The following TMEM232 variants were observed in gnomAD, a reference collection of about 807,000 sequenced individuals.
The protein encoded by TMEM232 is transmembrane protein 232.
In TMEM232, 80 loss-of-function variants were observed where a neutral mutation model predicts 78.8. That is an observed-to-expected ratio of 1.01 (90% CI 0.85 to 1.22). The LOEUF (loss-of-function observed/expected upper bound fraction) is 1.22. TMEM232 is among the 50% of genes most tolerant of loss of function. The pLI is 0.00. For missense variants in TMEM232, 881 were observed against 742.2 expected, an observed-to-expected ratio of 1.19 and a Z score of -2.17; for synonymous variants, 297 against 254.3, an observed-to-expected ratio of 1.17 and a Z score of -1.60.
At chr5:110,526,751 G>T (rs1210113892) in intron 12 of TMEM232, among the ~76,000 whole-genome samples, 1 of 151,886 alleles carries the variant, frequency 6.6e-6, no homozygotes, top group African/African-American at 2.4e-5. Context: ...TATGTAAATG[G>T]TTATTCTTTG....
At chr5:110,460,228 G>A (rs1438139029) in intron 12 of TMEM232, among the ~76,000 whole-genome samples, 6 of 151,912 alleles carry the variant, frequency 3.9e-5, no homozygotes, top group African/African-American at 7.3e-5. Flanking sequence ...AATACACTGG[G>A]GTGTTAAGGG....
In TMEM232 at chr5:110,510,927, A is replaced by G. The variant is rs189423571; in HGVS notation, c.1703+17661T>C. ...TAGAATCAGAAATACCATTTGACCCAGCAATCTCATTACTGGGTATATACG... is the reference window on the plus strand; with the variant it reads ...TAGAATCAGAAATACCATTTGACCCGGCAATCTCATTACTGGGTATATACG... On this transcript the variant is annotated intron_variant, in intron 12 of 13. Transcript: ENST00000455884. 3.3e-5 allele frequency among the ~76,000 whole-genome samples: 5 copies of G among 152,324 alleles called. No homozygotes were observed. In the East Asian group the frequency reaches 9.6e-4, roughly 29 times the overall value.
intron 10 of TMEM232, among the ~76,000 whole-genome samples, chr5:110,577,430 A>C (rs1777691229): frequency 6.6e-6 from 1 of 152,080 alleles, no homozygotes; most frequent in African/African-American, 2.4e-5. Context: ...TGGTGGGAGT[A>C]AATTAGTTCA....
At chr5:110,437,766 T>G (rs1456199680) in intron 12 of TMEM232, among the ~76,000 whole-genome samples, 1 of 152,100 alleles carries the variant, frequency 6.6e-6, no homozygotes, top group Admixed American at 6.6e-5. Flanking sequence ...AAGGCACTTT[T>G]GTATAGGTAA....
At position 110,638,246 on chromosome 5, in the gene TMEM232, A is replaced by T. The variant is rs1786164881; in HGVS notation, c.453T>A (p.Asp151Glu). ...AESVLYRLCC[D>E]ASLKTYLYSV... ...AATATAAATATGTTTTGAGGGATGCATCACAACACAGTCTGTATAAAACCG... is the reference window on the plus strand; with the variant it reads ...AATATAAATATGTTTTGAGGGATGCTTCACAACACAGTCTGTATAAAACCG... Residue 151 changes from aspartate (D) to glutamate (E), a missense_variant, in exon 5 of 14, where the codon GAT (aspartate) becomes GAA (glutamate). By Grantham distance (45) the Asp-to-Glu change is conservative (BLOSUM62 2). Transcript: ENST00000455884. 6.5e-7 allele frequency: 1 copy of T among 1,550,110 alleles called. No individual in the cohort carries two copies. Among genetic ancestry groups the T allele is most frequent in the Non-Finnish European group, 8.7e-7 (1 of 1,146,274 alleles).
At chr5:110,539,247 G>A (rs1772795580) in intron 11 of TMEM232, among the ~76,000 whole-genome samples, 1 of 152,126 alleles carries the variant, frequency 6.6e-6, no homozygotes. Context: ...TAAGCTGGAA[G>A]CAAGAAAAGG....
At chr5:110,710,046 G>T (rs565994893) in intron 1 of TMEM232, among the ~76,000 whole-genome samples, 3 of 151,986 alleles carry the variant, frequency 2.0e-5, no homozygotes, top group Admixed American at 6.5e-5. Flanking sequence ...AAAAAAGGCA[G>T]ATGACTCAAA....
intron 12 of TMEM232, among the ~76,000 whole-genome samples, chr5:110,492,810 A>G (rs1327815163): frequency 6.6e-6 from 1 of 151,988 alleles, no homozygotes; most frequent in African/African-American, 2.4e-5. Context: ...AGACCAAAAT[A>G]TATTATCTTT....
At chr5:110,550,262 A>G (rs2149610098) in intron 11 of TMEM232, among the ~76,000 whole-genome samples, 1 of 152,284 alleles carries the variant, frequency 6.6e-6, no homozygotes, top group South Asian at 2.1e-4. Flanking sequence ...TTCATAATAA[A>G]AGTTCTTGTT....
At chr5:110,542,622 C>T (rs1248249756) in intron 11 of TMEM232, among the ~76,000 whole-genome samples, 2 of 151,990 alleles carry the variant, frequency 1.3e-5, no homozygotes, top group East Asian at 3.9e-4. Context: ...TTCTGCTCCC[C>T]ATAAAGATTT....
chr5:110,448,921 A>G (rs1379670221), intron 12 of TMEM232, among the ~76,000 whole-genome samples: 2 of 152,020 alleles, frequency 1.3e-5, no homozygotes, highest in Admixed American at 6.6e-5. Context: ...ATACAAAACA[A>G]AAAGATGGAA....
At chr5:110,457,737 A>T (rs1162615927) in intron 12 of TMEM232, among the ~76,000 whole-genome samples, 1 of 152,108 alleles carries the variant, frequency 6.6e-6, no homozygotes, top group African/African-American at 2.4e-5. Flanking sequence ...TTATGCTAAG[A>T]GAAGGAAGTC....
At chr5:110,540,349 C>A (rs1561656800) in intron 11 of TMEM232, among the ~76,000 whole-genome samples, 1 of 152,144 alleles carries the variant, frequency 6.6e-6, no homozygotes, top group Non-Finnish European at 1.5e-5. Context: ...AAGTTCTAAC[C>A]CCTCATCAGG....
Position 110,716,398 on chromosome 5 carries a change from T to C in TMEM232, c.-13+10229A>G, listed in dbSNP as rs143383119. Among the ~76,000 whole-genome samples the C allele has an allele frequency of 7.5e-3, 1,149 of 152,252 alleles. 6 individuals are homozygous for C. Among genetic ancestry groups the C allele is most frequent in the Non-Finnish European group, 0.012 (847 of 68,008 alleles). ...GAAATAATTATACAACTCCCCATAATGTAGAATCAGTGGGAGACCTAAGCT... is the reference window on the plus strand; with the variant it reads ...GAAATAATTATACAACTCCCCATAACGTAGAATCAGTGGGAGACCTAAGCT... On this transcript the variant is annotated intron_variant, in intron 1 of 13. Coordinates refer to ENST00000455884, the MANE Select transcript of TMEM232 (RefSeq NM_001039763.4).
chr5:110,728,218 C>CATAT (rs566821627), upstream of TMEM232, among the ~76,000 whole-genome samples: 11 of 150,530 alleles, frequency 7.3e-5, no homozygotes, highest in African/African-American at 2.7e-4. Context: ...TTCACAAATA[C>CATAT]ATATATATAT....
At chr5:110,597,311 G>A (rs181924540) in intron 10 of TMEM232, among the ~76,000 whole-genome samples, 16 of 152,264 alleles carry the variant, frequency 1.1e-4, no homozygotes, top group Admixed American at 5.9e-4. Context: ...TACAAGGGAC[G>A]TGAAGGACCT....
chr5:110,606,999 C>T (rs796999698), intron 8 of TMEM232, among the ~76,000 whole-genome samples: 1 of 150,248 alleles, frequency 6.7e-6, no homozygotes, highest in East Asian at 1.9e-4. Context: ...ATTTGTAGAC[C>T]ATTAATAAAT....
rs1757070539 is a variant in TMEM232 at position 110,424,883 on chromosome 5, A to T, written c.1737T>A (p.Phe579Leu). The change falls in exon 13 of 14, where the codon TTT (phenylalanine) becomes TTA (leucine). Residue 579 changes from phenylalanine (F) to leucine (L), a missense_variant. Phe to Leu is a conservative substitution (Grantham distance 22, BLOSUM62 0). Transcript: ENST00000455884. ...CCTTGGTGAAGAAATCTGGATATGGAAACATGGGAATTTCTGATACAGAAG... is the reference window on the plus strand; with the variant it reads ...CCTTGGTGAAGAAATCTGGATATGGTAACATGGGAATTTCTGATACAGAAG... The part of the protein sequence containing the change: ...EHPSVSEIPM[F>L]PYPDFFTKAD... 5.8e-6 allele frequency: 9 copies of T among 1,550,186 alleles called. No homozygotes were observed. Among genetic ancestry groups the T allele is most frequent in the Admixed American group, 2.0e-5 (1 of 50,872 alleles).
intron 1 of TMEM232, among the ~76,000 whole-genome samples, chr5:110,722,067 G>A (rs771303607): frequency 1.3e-5 from 2 of 152,006 alleles, no homozygotes; most frequent in African/African-American, 4.8e-5. Context: ...GGGGTTGGAG[G>A]TTAAGTGGGA....
Sources: gnomAD v4.1 joint callset for allele counts (sites outside exome capture counted in the v4.1 genomes callset) on GRCh38, gnomAD v4.1.1 for gene constraint, MANE v1.5 for transcripts, NCBI Gene and HGNC (gene_info 2026-07-23, HGNC 2026-07-21) for gene names.